Variants in PSMD5 observed in about 807,000 individuals in gnomAD.
The protein encoded by PSMD5 is proteasome 26S subunit, non-ATPase 5, also known as 26S proteasome non-ATPase regulatory subunit 5.
A neutral mutation model predicts 52.1 loss-of-function variants in PSMD5; 40 were observed. The observed-to-expected ratio is 0.77, with a 90% CI of 0.60 to 1.00. The LOEUF is 1.00. Ranked by LOEUF, PSMD5 falls within the 50% of genes least tolerant of loss-of-function variation. The pLI is 0.00. For synonymous variants in PSMD5, 211 were observed against 226.6 expected (o/e 0.93, Z 0.62); for missense variants, 575 against 605.2 (o/e 0.95, Z 0.52).
At position 120,842,429 on chromosome 9, in the gene PSMD5, G is replaced by A. The variant is rs2131442626; in HGVS notation, c.173+308C>T. 13 of 442,082 alleles carry A rather than the reference G, an allele frequency of 2.9e-5. No homozygotes were observed. The East Asian group carries it at 5.6e-4, about 19-fold the overall frequency. 27.4% of individuals were successfully genotyped at this position (442,082 alleles called of 1,614,324 possible). ...ATCAAGAACCTGTACAAAGAGATGTGGAATGCTCCTTGTAAGTGGACAGCT... is the reference window on the plus strand; with the variant it reads ...ATCAAGAACCTGTACAAAGAGATGTAGAATGCTCCTTGTAAGTGGACAGCT... On this transcript the variant is annotated intron_variant, in intron 1 of 9. Transcript: ENST00000210313.
At chr9:120,819,236 T>A (rs2045066228) in intron 9 of PSMD5, among the ~76,000 whole-genome samples, 2 of 152,232 alleles carry the variant, frequency 1.3e-5, no homozygotes, top group Non-Finnish European at 2.9e-5. Context: ...ACCTGCGAGC[T>A]TGTTAGACTT....
chr9:120,821,795 A>G (rs2045086979), intron 7 of PSMD5, among the ~76,000 whole-genome samples: 1 of 152,240 alleles, frequency 6.6e-6, no homozygotes, highest in South Asian at 2.1e-4. Context: ...ACTTAGCATA[A>G]TGTTATCAGT....
intron 1 of PSMD5, among the ~76,000 whole-genome samples, chr9:120,837,027 C>A (rs887182536): frequency 6.6e-6 from 1 of 151,632 alleles, no homozygotes; most frequent in African/African-American, 2.4e-5. Context: ...GTAGCTGGGA[C>A]TACAGGTGCC....
At chr9:120,834,270 G>A (rs111785609) in intron 1 of PSMD5, among the ~76,000 whole-genome samples, 42 of 152,106 alleles carry the variant, frequency 2.8e-4, no homozygotes, top group African/African-American at 8.7e-4. Context: ...GTGAGACACC[G>A]TGCCTGGCCC....
At position 120,824,625 on chromosome 9, in the gene PSMD5, C is replaced by T. The variant is rs150588580; in HGVS notation, c.875G>A (p.Arg292His). The T allele has an allele frequency of 2.2e-4, 348 of 1,614,024 alleles. No homozygotes were observed. Among genetic ancestry groups the T allele is most frequent in the African/African-American group, 4.9e-4 (37 of 74,934 alleles). The change falls in exon 7 of 10, where the codon CGT becomes CAT. Residue 292 changes from arginine (R) to histidine (H), a missense_variant. Coordinates refer to ENST00000210313, the MANE Select transcript of PSMD5 (RefSeq NM_005047.4). ...GACTTTTTCCACAAAGATAGGATAA[C>T]GCTCACAGATCTGTTGAGGACTATC... ...VMDSPQQICE[R>H]YPIFVEKVFE...
chr9:120,818,775 A>C (rs1247755155), intron 9 of PSMD5, among the ~76,000 whole-genome samples: 4 of 152,016 alleles, frequency 2.6e-5, no homozygotes, highest in African/African-American at 9.7e-5. Flanking sequence ...AAAAAGCAAA[A>C]ACTGCAATTA....
intron 6 of PSMD5, among the ~76,000 whole-genome samples, chr9:120,826,290 G>A (rs926727986): frequency 1.3e-5 from 2 of 152,078 alleles, no homozygotes; most frequent in East Asian, 1.9e-4. Context: ...CACTGCGCCC[G>A]GCCTTGTTCC....
chr9:120,836,738 T>C (rs748409107), intron 1 of PSMD5, among the ~76,000 whole-genome samples: 2 of 152,088 alleles, frequency 1.3e-5, no homozygotes, highest in Non-Finnish European at 2.9e-5. Context: ...CATGTTTTAA[T>C]TGGGTTATTT....
intron 7 of PSMD5, 140 bp from the exon 8 acceptor site, chr9:120,821,604 A>C: frequency 2.1e-6 from 1 of 484,580 alleles, no homozygotes; most frequent in Non-Finnish European, 3.5e-6. Context: ...ATAACCATCC[A>C]TCTCTAGAAC....
Position 120,829,831 on chromosome 9 carries a change from T to TGTCA in PSMD5, c.562-627_562-624dup, listed in dbSNP as rs528599434. 5.5e-3 allele frequency among the ~76,000 whole-genome samples: 839 copies of TGTCA among 152,306 alleles called. 11 individuals are homozygous for TGTCA. Among genetic ancestry groups the TGTCA allele is most frequent in the African/African-American group, 0.019 (785 of 41,562 alleles). On this transcript the variant is annotated intron_variant, in intron 4 of 9. Coordinates refer to ENST00000210313, the MANE Select transcript of PSMD5 (RefSeq NM_005047.4). ...AAACCATTCACTCATTCAGGCATCC[T>TGTCA]GTCAGTCAGTCAGTCAGTCATTCAC...
chr9:120,827,066 A>G (rs2045127983), intron 5 of PSMD5, among the ~76,000 whole-genome samples, 159 bp from the exon 6 acceptor site: 1 of 152,210 alleles, frequency 6.6e-6, no homozygotes, highest in African/African-American at 2.4e-5. Flanking sequence ...AGGCCTAGAA[A>G]TTTGCAGTGA....
intron 7 of PSMD5, 105 bp downstream of exon 7, chr9:120,824,389 A>T (rs1453853945): frequency 9.0e-7 from 1 of 1,108,344 alleles, no homozygotes; most frequent in Non-Finnish European, 1.4e-6. Flanking sequence ...ACTGCCACCC[A>T]TAAAATAGTT....
intron 5 of PSMD5, among the ~76,000 whole-genome samples, 177 bp downstream of exon 5, chr9:120,828,922 G>C (rs1182476153): frequency 6.6e-6 from 1 of 152,206 alleles, no homozygotes; most frequent in Admixed American, 6.5e-5. Flanking sequence ...CCAAGTTCCA[G>C]TATGTTGTCA....
intron 3 of PSMD5, 92 bp from the exon 4 acceptor site, chr9:120,831,551 C>A: frequency 7.1e-7 from 1 of 1,405,804 alleles, no homozygotes; most frequent in Non-Finnish European, 9.5e-7. Flanking sequence ...ATGGAATGCA[C>A]CTTGCCCATG....
intron 1 of PSMD5, among the ~76,000 whole-genome samples, chr9:120,834,786 A>C (rs902819097): frequency 2.6e-5 from 4 of 152,230 alleles, no homozygotes; most frequent in African/African-American, 9.6e-5. Flanking sequence ...TTCACTCTGC[A>C]CCAGTGTTAG....
intron 1 of PSMD5, among the ~76,000 whole-genome samples, chr9:120,840,821 T>C (rs1233898398): frequency 1.3e-5 from 2 of 152,132 alleles, no homozygotes; most frequent in East Asian, 3.8e-4. Context: ...GGTTTCACTA[T>C]GTTGGCCGGG....
In PSMD5 at chr9:120,834,027, T is replaced by G. The variant is rs1256625228; in HGVS notation, c.174-571A>C. Reference sequence around the variant, plus strand: ...CAGAGTCTCGCTCTGTTGCCCAGGCTGGAGTACAGTGGCACGATCTCTGCT... The same window carrying G: ...CAGAGTCTCGCTCTGTTGCCCAGGCGGGAGTACAGTGGCACGATCTCTGCT... On this transcript the variant is annotated intron_variant, in intron 1 of 9. Coordinates refer to ENST00000210313, the MANE Select transcript of PSMD5 (RefSeq NM_005047.4). Among the ~76,000 whole-genome samples the G allele has an allele frequency of 2.8e-5, 4 of 141,400 alleles. No homozygotes were observed. The East Asian group carries it at 9.0e-4, about 32-fold the overall frequency. The allele number at this position is 141,400 out of a possible 152,430, so 92.8% of individuals were successfully genotyped here.
rs1330695644 is a variant in PSMD5, at chr9:120,816,245, A to G, written c.*1661T>C. ...AGAGGGAATAGACAGTTATTGTTTA[A>G]TGAATACAGTTTCAATTGTATAAGA... On this transcript the variant is annotated 3_prime_UTR_variant, in exon 10 of 10. Coordinates refer to ENST00000210313, the MANE Select transcript of PSMD5 (RefSeq NM_005047.4). 1 of 152,502 alleles carries G rather than the reference A, an allele frequency of 6.6e-6. No homozygotes were observed. The highest frequency in any genetic ancestry group is 2.4e-5 in the African/African-American group (1 of 41,464). 9.4% of individuals were successfully genotyped at this position (152,502 alleles called of 1,614,324 possible).
chr9:120,830,715 A>G (rs2045153612), intron 4 of PSMD5, among the ~76,000 whole-genome samples: 2 of 152,196 alleles, frequency 1.3e-5, no homozygotes, highest in South Asian at 2.1e-4. Flanking sequence ...GAGGTTAATG[A>G]TAACAACATA....
Sources: allele counts gnomAD v4.1 joint callset (sites outside exome capture counted in the v4.1 genomes callset), GRCh38; gene constraint gnomAD v4.1.1; transcripts MANE v1.5; gene names NCBI Gene and HGNC (gene_info 2026-07-23, HGNC 2026-07-21).